RASA2: variants seen among roughly 807,000 people sequenced by gnomAD.
RASA2 encodes RAS p21 protein activator 2.
RASA2 carries 155 observed loss-of-function variants against 118.2 expected under a neutral mutation model. The ratio of observed to expected loss-of-function variants is 1.31; its 90% CI spans 1.15 to 1.50. RASA2 has a LOEUF of 1.50. Among genes scored for constraint, RASA2 ranks in the 40% most tolerant of loss-of-function variants. RASA2 has a pLI of 0.00. For synonymous variants in RASA2, 353 were observed against 349.1 expected (o/e 1.01, Z -0.12); for missense variants, 1,016 against 1,009.6 (o/e 1.01, Z -0.09).
Position 141,512,246 on chromosome 3 carries a change from G to A in RASA2, c.217G>A (p.Val73Ile). 1.3e-6 allele frequency: 2 copies of A among 1,592,910 alleles called. No homozygotes were observed. The highest frequency in any genetic ancestry group is 1.7e-6 in the Non-Finnish European group (2 of 1,174,602). The change falls in exon 2 of 24, where the codon GTT (valine) becomes ATT (isoleucine). Residue 73 changes from valine (V) to isoleucine (I), a missense_variant. Around this residue, in one of 2 missense-constraint regions of RASA2, gnomAD observed 896 missense variants for 836.4 expected, o/e 1.07. Transcript: ENST00000286364. ...TACCATAAATTTGGACCAGGAAGAA[G>A]TTTATCGTACCCAAGTTGTGGAAAA... ...FCTINLDQEE[V>I]YRTQVVEKSL...
chr3:141,512,023 G>A, intron 1 of RASA2, 140 bp from the exon 2 acceptor site: 1 of 616,762 alleles, frequency 1.6e-6, no homozygotes, highest in Non-Finnish European at 2.8e-6. Context: ...AGACCAGCTT[G>A]ATCTTTCTGT....
At chr3:141,503,567 A>G (rs1577647018) in intron 1 of RASA2, among the ~76,000 whole-genome samples, 1 of 152,284 alleles carries the variant, frequency 6.6e-6, no homozygotes, top group South Asian at 2.1e-4. Flanking sequence ...CTATAGTTAC[A>G]TGTCTCTCCT....
chr3:141,533,700 A>G (rs1037320604), intron 4 of RASA2, among the ~76,000 whole-genome samples: 1 of 152,172 alleles, frequency 6.6e-6, no homozygotes, highest in African/African-American at 2.4e-5. Flanking sequence ...TCAGTAGTTC[A>G]AAATATTGTT....
intron 1 of RASA2, among the ~76,000 whole-genome samples, chr3:141,509,804 A>G (rs1412444395): frequency 6.6e-6 from 1 of 152,202 alleles, no homozygotes; most frequent in Non-Finnish European, 1.5e-5. Context: ...AGGAAAATGG[A>G]TGAATACCGG....
At chr3:141,592,109 G>GA (rs771632810) in intron 19 of RASA2, among the ~76,000 whole-genome samples, 1 of 152,082 alleles carries the variant, frequency 6.6e-6, no homozygotes, top group Non-Finnish European at 1.5e-5. Flanking sequence ...TAATAAATCA[G>GA]ATGAACAAAA....
At chr3:141,539,087 A>G (rs1269504135) in intron 4 of RASA2, among the ~76,000 whole-genome samples, 1 of 152,218 alleles carries the variant, frequency 6.6e-6, no homozygotes, top group Non-Finnish European at 1.5e-5. Flanking sequence ...TAATACATAC[A>G]TGCTGTCACA....
chr3:141,542,404 T>C (rs2082418161), intron 5 of RASA2, among the ~76,000 whole-genome samples: 1 of 152,208 alleles, frequency 6.6e-6, no homozygotes, highest in Middle Eastern at 3.2e-3. Flanking sequence ...TGGTAGATAC[T>C]GTTATCCTCA....
rs2082200916 is a variant in RASA2 at position 141,527,466 on chromosome 3, T to TA, written c.356-2240dup. On this transcript the variant is annotated intron_variant, in intron 3 of 23. Transcript: ENST00000286364. ...AGGGAGGATAATGGTTCTCAAAAGG[T>TA]AAGAGCTTCAGCTATAGGATGTATA... Among the ~76,000 whole-genome samples the TA allele has an allele frequency of 2.0e-5, 3 of 152,170 alleles. No homozygotes were observed. In the South Asian group the frequency reaches 6.2e-4, roughly 32 times the overall value.
At chr3:141,524,091 A>C (rs1187966559) in intron 3 of RASA2, among the ~76,000 whole-genome samples, 1 of 152,208 alleles carries the variant, frequency 6.6e-6, no homozygotes, top group Non-Finnish European at 1.5e-5. Flanking sequence ...CAGCAACCGT[A>C]CATTTACTCA....
intron 2 of RASA2, among the ~76,000 whole-genome samples, chr3:141,513,081 CAAAA>C (rs200201086): frequency 5.0e-5 from 7 of 138,914 alleles, no homozygotes; most frequent in African/African-American, 1.1e-4. Context: ...AAAAAAAAAA[CAAAA>C]AAACGAAAAA....
At chr3:141,597,439 G>A (rs1359248972) in intron 19 of RASA2, among the ~76,000 whole-genome samples, 2 of 152,088 alleles carry the variant, frequency 1.3e-5, no homozygotes, top group East Asian at 3.9e-4. Flanking sequence ...GGCTGCTTGG[G>A]ACAGGTTGGG....
intron 15 of RASA2, among the ~76,000 whole-genome samples, chr3:141,579,805 C>T (rs905648390): frequency 5.9e-5 from 9 of 151,652 alleles, no homozygotes; most frequent in African/African-American, 2.2e-4. Flanking sequence ...CCTGTAATCC[C>T]AGCACTTCGG....
At chr3:141,568,573 A>C (rs931257893) in intron 9 of RASA2, among the ~76,000 whole-genome samples, 2 of 152,156 alleles carry the variant, frequency 1.3e-5, no homozygotes, top group East Asian at 1.9e-4. Context: ...GACATTGTTT[A>C]TATATGTATG....
At chr3:141,524,077 A>G (rs977626316) in intron 3 of RASA2, among the ~76,000 whole-genome samples, 2 of 152,228 alleles carry the variant, frequency 1.3e-5, no homozygotes, top group African/African-American at 4.8e-5. Context: ...TTACTGGCTT[A>G]ATACAGCAAC....
chr3:141,508,932 C>G (rs566377958), intron 1 of RASA2, among the ~76,000 whole-genome samples: 2 of 152,060 alleles, frequency 1.3e-5, no homozygotes, highest in Admixed American at 1.3e-4. Flanking sequence ...AAGTTCTTCA[C>G]TTTTGTCTTT....
At chr3:141,584,708 T>C (rs543375275) in intron 17 of RASA2, among the ~76,000 whole-genome samples, 1 of 152,288 alleles carries the variant, frequency 6.6e-6, no homozygotes, top group African/African-American at 2.4e-5. Context: ...TCTCTGCCAC[T>C]TAGTCTTTGT....
At chr3:141,520,809 T>G (rs2082101426) in intron 3 of RASA2, among the ~76,000 whole-genome samples, 1 of 152,152 alleles carries the variant, frequency 6.6e-6, no homozygotes, top group South Asian at 2.1e-4. Context: ...AGTTGTTGAT[T>G]TGGAATAGGG....
At chr3:141,600,370 G>A (rs2083444367) in intron 19 of RASA2, 11 of 498,572 alleles carry the variant, frequency 2.2e-5, no homozygotes, top group Non-Finnish European at 3.7e-5. Flanking sequence ...GGTTCTTGTC[G>A]GAGGTGTCAG....
At chr3:141,520,760 A>G (rs1440341813) in intron 3 of RASA2, among the ~76,000 whole-genome samples, 4 of 152,192 alleles carry the variant, frequency 2.6e-5, no homozygotes, top group African/African-American at 7.2e-5. Flanking sequence ...TATGTAATCT[A>G]TATACATCGA....
Sources: gnomAD v4.1 joint callset for allele counts (sites outside exome capture counted in the v4.1 genomes callset) on GRCh38, gnomAD v4.1.1 for gene constraint, gnomAD v4.1.1 regional missense constraint, MANE v1.5 for transcripts, NCBI Gene and HGNC (gene_info 2026-07-23, HGNC 2026-07-21) for gene names.